The following CLDN14 variants were observed in gnomAD, a reference collection of about 807,000 sequenced individuals.
The protein encoded by CLDN14 is claudin 14.
Under a neutral mutation model 2.1 loss-of-function variants are expected in CLDN14, and 2 were observed. The ratio of observed to expected loss-of-function variants is 0.96; its 90% confidence interval spans 0.39 to 3.01. The LOEUF is 3.01. Ranked by LOEUF, CLDN14 falls within the 30% of genes most tolerant of loss-of-function variation. The pLI, the probability that CLDN14 is intolerant of heterozygous loss-of-function variation, is 0.09. For missense variants in CLDN14, 298 were observed against 328.0 expected (o/e 0.91, Z 0.71); for synonymous variants, 136 against 154.4 (o/e 0.88, Z 0.88).
At chr21:36,489,132 ATAT>A (rs1260038097) in intron 2 of CLDN14, among the ~76,000 whole-genome samples, 586 of 40,244 alleles carry the variant, frequency 0.015, no homozygotes, top group Non-Finnish European at 0.022. Flanking sequence ...AAAAAAAAAA[ATAT>A]ATATATATAT....
intron 2 of CLDN14, among the ~76,000 whole-genome samples, chr21:36,506,527 G>A (rs2087134623): frequency 6.6e-6 from 1 of 151,900 alleles, no homozygotes; most frequent in Non-Finnish European, 1.5e-5. Context: ...AACCGGGGGG[G>A]CGGAGGTTGC....
rs915297581 is a variant in CLDN14 at position 36,499,877 on chromosome 21, G to A, written c.-82+10486C>T. On this transcript the variant is annotated intron_variant, in intron 2 of 2. Transcript: ENST00000342108. The surrounding 1 kb of genome is among the most constrained non-coding windows in gnomAD (Gnocchi z 4.7). Reference sequence around the variant, plus strand: ...CGAGCAACATTTTCACAACATCAGGGGGCTGGTGGAGAAAATCGGGGGGTC... The same window carrying A: ...CGAGCAACATTTTCACAACATCAGGAGGCTGGTGGAGAAAATCGGGGGGTC... Among the ~76,000 whole-genome samples the A allele has an allele frequency of 1.3e-5, 2 of 152,124 alleles. No individual in the cohort carries two copies. The highest frequency in any genetic ancestry group is 2.9e-5 in the Non-Finnish European group (2 of 68,034).
intron 1 of CLDN14, chr21:36,510,530 T>G (rs1303933993): frequency 6.6e-6 from 1 of 152,268 alleles, no homozygotes; most frequent in Non-Finnish European, 1.5e-5. Flanking sequence ...GAAACCGAAG[T>G]GGACCAGACC....
Position 36,517,059 on chromosome 21 carries a change from C to T in CLDN14, c.-219-6559G>A, listed in dbSNP as rs146620364. Among the ~76,000 whole-genome samples, 123 of 151,884 alleles carry T rather than the reference C, an allele frequency of 8.1e-4. 2 individuals are homozygous for T. The East Asian group carries it at 0.023, about 29-fold the overall frequency. ...TTCGCCAAGTTGGCCAGGCTGGTCT[C>T]GAACTCCTGACCTCAAGTGATCCAC... is the stretch of plus-strand genomic sequence containing the variant. On this transcript the variant is annotated intron_variant, in intron 1 of 2. Transcript: ENST00000342108.
intron 1 of CLDN14, among the ~76,000 whole-genome samples, chr21:36,516,738 A>G (rs1045499789): frequency 5.9e-5 from 9 of 152,264 alleles, no homozygotes; most frequent in Admixed American, 1.3e-4. Flanking sequence ...ATTTTGTTCA[A>G]TTCTTAGCTG....
chr21:36,563,026 A>G (rs539875506), intron 1 of CLDN14, among the ~76,000 whole-genome samples: 11 of 152,332 alleles, frequency 7.2e-5, no homozygotes, highest in Admixed American at 6.5e-4. Context: ...GCAGAATGAA[A>G]TGTTATCATT....
At chr21:36,510,832 G>A (rs1388022617) in intron 1 of CLDN14, among the ~76,000 whole-genome samples, 1 of 152,238 alleles carries the variant, frequency 6.6e-6, no homozygotes, top group Non-Finnish European at 1.5e-5. Context: ...AAACCCACAT[G>A]GGGTGTTGGG....
At chr21:36,483,532 G>A (rs1436207634), upstream of CLDN14, among the ~76,000 whole-genome samples, 2 of 152,240 alleles carry the variant, frequency 1.3e-5, no homozygotes, top group African/African-American at 4.8e-5. Context: ...CAAGGCAGCT[G>A]CTGAGGCCTC....
At chr21:36,482,124 C>T (rs1809559921), upstream of CLDN14, among the ~76,000 whole-genome samples, 1 of 152,194 alleles carries the variant, frequency 6.6e-6, no homozygotes, top group African/African-American at 2.4e-5. Flanking sequence ...AATGGCTCAA[C>T]ATTTTGTCCC....
chr21:36,489,131 A>AAAAAAAAAAAATAT, intron 2 of CLDN14, among the ~76,000 whole-genome samples: 7 of 62,752 alleles, frequency 1.1e-4, no homozygotes, highest in South Asian at 6.0e-4. Flanking sequence ...AAAAAAAAAA[A>AAAAAAAAAAAATAT]ATATATATAT....
rs544280717 is a variant in CLDN14, at chr21:36,516,130, C to T, written c.-219-5630G>A. Among the ~76,000 whole-genome samples, 3 of 152,182 alleles carry T rather than the reference C, an allele frequency of 2.0e-5. No individual in the cohort carries two copies. In the South Asian group the frequency reaches 6.2e-4, roughly 32 times the overall value. On this transcript the variant is annotated intron_variant, in intron 1 of 2. Transcript: ENST00000342108. ...TGCTCACCTGGGAATCAAAGTTCTCCCAGCATTTTCACCAGGGAGTTTGCA... is the reference window on the plus strand; with the variant it reads ...TGCTCACCTGGGAATCAAAGTTCTCTCAGCATTTTCACCAGGGAGTTTGCA...
intron 1 of CLDN14, among the ~76,000 whole-genome samples, chr21:36,556,915 G>T (rs1164891867): frequency 1.3e-5 from 2 of 152,164 alleles, no homozygotes; most frequent in African/African-American, 2.4e-5. Flanking sequence ...TTGCATAATT[G>T]TAACTTCATA....
chr21:36,475,479 C>A (rs936590163), intron 1 of CLDN14, among the ~76,000 whole-genome samples: 3 of 152,210 alleles, frequency 2.0e-5, no homozygotes, highest in Admixed American at 2.0e-4. Context: ...GGGTGGGGTC[C>A]ATGCATGGGA....
At chr21:36,567,065 C>T (rs2087678678) in intron 1 of CLDN14, among the ~76,000 whole-genome samples, 1 of 152,208 alleles carries the variant, frequency 6.6e-6, no homozygotes, top group Non-Finnish European at 1.5e-5. Flanking sequence ...GTGAATTGAT[C>T]TGTGGCCCTG....
At chr21:36,484,217 G>A (rs2086873387), upstream of CLDN14, among the ~76,000 whole-genome samples, 1 of 152,162 alleles carries the variant, frequency 6.6e-6, no homozygotes, top group South Asian at 2.1e-4. Flanking sequence ...CATGAGGCTC[G>A]GATTCTATTT....
intron 1 of CLDN14, among the ~76,000 whole-genome samples, chr21:36,537,651 C>CTTTTTTTTTTTTTTTTTTT (rs371651908): frequency 1.4e-5 from 2 of 143,606 alleles, no homozygotes; most frequent in African/African-American, 2.5e-5. Context: ...TTTTTCTTTT[C>CTTTTTTTTTTTTTTTTTTT]TTTTCTTTTT....
intron 1 of CLDN14, among the ~76,000 whole-genome samples, chr21:36,473,677 G>A (rs1356201995): frequency 2.6e-5 from 4 of 152,196 alleles, no homozygotes; most frequent in Non-Finnish European, 5.9e-5. Context: ...GCATGGAGAT[G>A]GGATTAAAAT....
chr21:36,488,266 C>CTTCCTTCCTTCA (rs2086920431), intron 2 of CLDN14, among the ~76,000 whole-genome samples: 4 of 147,298 alleles, frequency 2.7e-5, no homozygotes, highest in African/African-American at 1.0e-4. Context: ...TCCTTCCTTC[C>CTTCCTTCCTTCA]TTCCTTCCCT....
At chr21:36,484,775 G>A (rs1367102415), upstream of CLDN14, among the ~76,000 whole-genome samples, 13 of 152,062 alleles carry the variant, frequency 8.5e-5, no homozygotes, top group Admixed American at 6.5e-4. Flanking sequence ...GTGCAATGGC[G>A]TGATCTTGGC....
Sources: gnomAD v4.1 joint callset for allele counts (sites outside exome capture counted in the v4.1 genomes callset) on GRCh38, gnomAD v4.1.1 for gene constraint, Gnocchi (gnomAD v3.1) non-coding constraint, MANE v1.5 for transcripts, NCBI Gene and HGNC (gene_info 2026-07-23, HGNC 2026-07-21) for gene names.